The following BICC1 variants were observed in gnomAD, a reference collection of about 807,000 sequenced individuals.
BICC1 encodes BicC family RNA binding protein 1, also known as protein bicaudal C homolog 1.
A neutral mutation model predicts 111.0 loss-of-function variants in BICC1; 43 were observed. The observed-to-expected ratio is 0.39, with a 90% CI of 0.30 to 0.50. The LOEUF (loss-of-function observed/expected upper bound fraction) is 0.50, where lower values mean the gene tolerates loss of function less well. BICC1 is among the 20% of genes least tolerant of loss of function. The pLI is 0.88. For synonymous variants in BICC1, 467 were observed against 434.4 expected (o/e 1.07, Z -0.93); for missense variants, 1,091 against 1,203.2 (o/e 0.91, Z 1.38).
rs187562325 is a variant in BICC1, at chr10:58,787,388, T to C, written c.546+307T>C. 6.6e-4 allele frequency among the ~76,000 whole-genome samples: 101 copies of C among 152,270 alleles called. 1 individual carries two copies. Among genetic ancestry groups the C allele is most frequent in the Non-Finnish European group, 4.4e-5 (3 of 68,020 alleles). ...AGCATATCGTTTAGGACCTGGAAGC[T>C]TGCCTAGTCCAGGAACCTATCCATT... On this transcript the variant is annotated intron_variant, in intron 5 of 20. Transcript: ENST00000373886.
intron 1 of BICC1, among the ~76,000 whole-genome samples, chr10:58,540,204 G>A (rs1038822929): frequency 6.6e-6 from 1 of 151,468 alleles, no homozygotes; most frequent in Non-Finnish European, 1.5e-5. Context: ...ATACTTAAGG[G>A]GACTAGAAAA....
At chr10:58,669,841 G>A (rs1043790394) in intron 2 of BICC1, among the ~76,000 whole-genome samples, 1 of 152,112 alleles carries the variant, frequency 6.6e-6, no homozygotes, top group African/African-American at 2.4e-5. Context: ...TTGCTGCAAA[G>A]TAAATGTTTT....
At chr10:58,792,445 G>T (rs961727633) in intron 8 of BICC1, among the ~76,000 whole-genome samples, 25 of 152,138 alleles carry the variant, frequency 1.6e-4, no homozygotes, top group African/African-American at 6.0e-4. Context: ...CTGGTCAGTG[G>T]TCTGTTAGGA....
intron 1 of BICC1, among the ~76,000 whole-genome samples, chr10:58,614,352 A>G (rs562550060): frequency 6.6e-6 from 1 of 152,122 alleles, no homozygotes; most frequent in Admixed American, 6.6e-5. Flanking sequence ...CTAACCAACA[A>G]CTCATCAGCA....
At chr10:58,556,865 A>AT (rs1334069359) in intron 1 of BICC1, among the ~76,000 whole-genome samples, 14 of 152,046 alleles carry the variant, frequency 9.2e-5, no homozygotes, top group African/African-American at 2.6e-4. Flanking sequence ...TTGCATTACT[A>AT]TTTTTTATTC....
intron 2 of BICC1, among the ~76,000 whole-genome samples, chr10:58,647,742 G>A (rs1588969396): frequency 6.6e-6 from 1 of 151,682 alleles, no homozygotes. Flanking sequence ...ACCATTGCAA[G>A]AATGTGTGCT....
At chr10:58,676,287 C>G (rs956858522) in intron 2 of BICC1, among the ~76,000 whole-genome samples, 2 of 152,078 alleles carry the variant, frequency 1.3e-5, no homozygotes, top group African/African-American at 4.8e-5. Context: ...TGTTCACTAC[C>G]CTGGAAGGGG....
chr10:58,704,341 A>G (rs1161246734), intron 3 of BICC1, among the ~76,000 whole-genome samples: 1 of 152,192 alleles, frequency 6.6e-6, no homozygotes, highest in Non-Finnish European at 1.5e-5. Context: ...GAAGGGAGAG[A>G]ATCAGAAGTT....
At chr10:58,669,111 G>A (rs1839104275) in intron 2 of BICC1, among the ~76,000 whole-genome samples, 1 of 151,912 alleles carries the variant, frequency 6.6e-6, no homozygotes, top group African/African-American at 2.4e-5. Context: ...AGTTTCTTAG[G>A]TAGTGTATAT....
intron 2 of BICC1, among the ~76,000 whole-genome samples, chr10:58,654,145 T>C (rs1452130034): frequency 0.017 from 2,194 of 127,924 alleles, 54 homozygotes; most frequent in African/African-American, 0.063. Flanking sequence ...TAAACATACA[T>C]GTGCATGTGT....
intron 15 of BICC1, among the ~76,000 whole-genome samples, chr10:58,806,234 C>T (rs1843704081): frequency 6.6e-6 from 1 of 152,056 alleles, no homozygotes; most frequent in South Asian, 2.1e-4. Context: ...TTTCAAAACC[C>T]ACATTATTAT....
chr10:58,550,352 CAT>C (rs1264710926), intron 1 of BICC1, among the ~76,000 whole-genome samples: 4 of 152,128 alleles, frequency 2.6e-5, no homozygotes, highest in Non-Finnish European at 5.9e-5. Flanking sequence ...CTTTATCAGA[CAT>C]GTTTTCTAAA....
intron 19 of BICC1, among the ~76,000 whole-genome samples, chr10:58,819,793 G>T (rs1004656855): frequency 5.9e-5 from 9 of 152,120 alleles, no homozygotes; most frequent in Non-Finnish European, 2.9e-5. Context: ...GAAGGTGGGG[G>T]ATCCTTGGGC....
At position 58,787,041 on chromosome 10, in the gene BICC1, C is replaced by A; in HGVS notation, c.506C>A (p.Pro169Gln). 6.3e-7 allele frequency: 1 copy of A among 1,598,196 alleles called. No homozygotes were observed. Among genetic ancestry groups the A allele is most frequent in the Non-Finnish European group, 8.5e-7 (1 of 1,173,896 alleles). Residue 169 changes from proline to glutamine, a missense_variant, in exon 5 of 21, where the codon CCA becomes CAA. Physicochemically the swap from Pro to Gln is moderately conservative, Grantham distance 76. This residue lies in a region of BICC1 where 843 missense variants were observed against 900.8 expected (regional missense o/e 0.94). Transcript: ENST00000373886. ...GAAACCGGATGCCATATCCACTTTC[C>A]AGATTCCAACAGGAATAACCAAGCA... ...MEETGCHIHF[P>Q]DSNRNNQAEK...
At chr10:58,595,913 G>A (rs1172415167) in intron 1 of BICC1, among the ~76,000 whole-genome samples, 2 of 152,244 alleles carry the variant, frequency 1.3e-5, no homozygotes, top group African/African-American at 4.8e-5. Context: ...TAAAAAATCA[G>A]TGAATCCAGG....
At chr10:58,723,547 T>TA (rs1841005166) in intron 3 of BICC1, among the ~76,000 whole-genome samples, 1 of 152,130 alleles carries the variant, frequency 6.6e-6, no homozygotes, top group Non-Finnish European at 1.5e-5. Flanking sequence ...GTGAGACGGG[T>TA]ATGGCAGAAA....
intron 3 of BICC1, among the ~76,000 whole-genome samples, chr10:58,724,726 T>G (rs1841046963): frequency 6.6e-6 from 1 of 152,214 alleles, no homozygotes; most frequent in African/African-American, 2.4e-5. Context: ...GACTTCAAGA[T>G]GGGGACACTG....
At chr10:58,689,902 C>CA (rs1378064940) in intron 2 of BICC1, among the ~76,000 whole-genome samples, 8 of 152,126 alleles carry the variant, frequency 5.3e-5, no homozygotes, top group African/African-American at 1.7e-4. Context: ...TTTTAGAGCT[C>CA]ATTAGGTGTT....
intron 3 of BICC1, among the ~76,000 whole-genome samples, chr10:58,724,967 A>C (rs546540825): frequency 2.6e-5 from 4 of 152,104 alleles, no homozygotes; most frequent in African/African-American, 4.8e-5. Flanking sequence ...CCAGTGTCTC[A>C]TTTGAGGTTA....
Sources: gnomAD v4.1 joint callset for allele counts (sites outside exome capture counted in the v4.1 genomes callset) on GRCh38, gnomAD v4.1.1 for gene constraint, gnomAD v4.1.1 regional missense constraint, MANE v1.5 for transcripts, NCBI Gene and HGNC (gene_info 2026-07-23, HGNC 2026-07-21) for gene names.